Variants in DTNA observed in about 807,000 individuals in gnomAD.
DTNA encodes dystrophin-related protein 3.
In DTNA, 43 loss-of-function variants were observed where a neutral mutation model predicts 100.7. The observed-to-expected ratio is 0.43, with a 90% confidence interval of 0.33 to 0.55. The LOEUF (loss-of-function observed/expected upper bound fraction) is 0.55. Ranked by LOEUF, DTNA falls within the 20% of genes least tolerant of loss-of-function variation. The pLI is 0.04. For missense variants in DTNA, 798 were observed against 953.9 expected, an observed-to-expected ratio of 0.84 and a Z score of 2.15; for synonymous variants, 349 against 347.9, an observed-to-expected ratio of 1.00 and a Z score of -0.04.
At position 34,636,844 on chromosome 18, in the gene DTNA, G is replaced by A. The variant is rs185141567; in HGVS notation, c.-1-119132G>A. ...TGTGACTATGCCGTAAGAATATTCA[G>A]AATAAAATTCAGATAATAGGTGTTG... On this transcript the variant is annotated intron_variant, in intron 1 of 19. Transcript: ENST00000283365. 2.4e-3 allele frequency among the ~76,000 whole-genome samples: 362 copies of A among 152,238 alleles called. 2 individuals carry two copies. Among genetic ancestry groups the A allele is most frequent in the African/African-American group, 7.9e-3 (327 of 41,540 alleles).
At chr18:34,495,117 G>A (rs2039045051) in intron 1 of DTNA, among the ~76,000 whole-genome samples, 1 of 152,094 alleles carries the variant, frequency 6.6e-6, no homozygotes, top group African/African-American at 2.4e-5. Context: ...GAGTCTAGTT[G>A]GGCTTTTCAT....
chr18:34,744,192 T>C (rs1423892876), intron 1 of DTNA, among the ~76,000 whole-genome samples: 1 of 152,186 alleles, frequency 6.6e-6, no homozygotes, highest in African/African-American at 2.4e-5. Flanking sequence ...TACATCTCAA[T>C]GACACATAGT....
intron 1 of DTNA, among the ~76,000 whole-genome samples, chr18:34,740,424 G>T (rs1455142075): frequency 1.3e-5 from 2 of 152,122 alleles, no homozygotes; most frequent in African/African-American, 4.8e-5. Context: ...GTTCTTACCA[G>T]GTTGAGGGAC....
In DTNA at chr18:34,890,495, C is replaced by T. The variant is rs7227051; in HGVS notation, c.*2761C>T. On this transcript the variant is annotated 3_prime_UTR_variant, in exon 23 of 23. Transcript: ENST00000444659. The stretch of plus-strand genomic sequence containing the variant: ...GTCCATTAGATACAACTACATCTTG[C>T]GGGGGTTGTTTCTTTCTTGTTCCAC... The T allele has an allele frequency of 0.19, 297,794 of 1,532,422 alleles. 30,137 individuals are homozygous for T. The highest frequency in any genetic ancestry group is 0.24 in the Middle Eastern group (1,434 of 5,978). The allele number at this position is 1,532,422 out of a possible 1,614,324, so 94.9% of individuals were successfully genotyped here.
At chr18:34,837,878 T>C (rs2096185815) in intron 11 of DTNA, among the ~76,000 whole-genome samples, 1 of 152,220 alleles carries the variant, frequency 6.6e-6, no homozygotes, top group Admixed American at 6.5e-5. Context: ...AGGTCAAATC[T>C]GGGATCATGG....
chr18:34,536,326 G>T (rs546793438), intron 1 of DTNA, among the ~76,000 whole-genome samples: 8 of 151,892 alleles, frequency 5.3e-5, no homozygotes, highest in Admixed American at 2.0e-4. Context: ...TCCTAGAAGT[G>T]GAATTTATCT....
At chr18:34,776,986 C>G (rs935678887) in intron 3 of DTNA, among the ~76,000 whole-genome samples, 19 of 152,334 alleles carry the variant, frequency 1.2e-4, no homozygotes, top group African/African-American at 4.6e-4. Flanking sequence ...CGGACCTCCT[C>G]GTCTTTCTCA....
intron 1 of DTNA, among the ~76,000 whole-genome samples, chr18:34,725,987 G>A (rs374210779): frequency 1.3e-5 from 2 of 151,990 alleles, no homozygotes; most frequent in African/African-American, 2.4e-5. Flanking sequence ...TCTCAGCAAC[G>A]TAACAGAAGA....
intron 5 of DTNA, among the ~76,000 whole-genome samples, 172 bp from the exon 6 acceptor site, chr18:34,811,787 C>A (rs1390828863): frequency 2.0e-5 from 3 of 152,020 alleles, no homozygotes; most frequent in Non-Finnish European, 4.4e-5. Flanking sequence ...AAAAAGAAAC[C>A]AGAGAAAACA....
chr18:34,530,053 C>T (rs1223476748), intron 1 of DTNA, among the ~76,000 whole-genome samples: 3 of 152,092 alleles, frequency 2.0e-5, no homozygotes, highest in South Asian at 2.1e-4. Context: ...GCCAGAGCTG[C>T]GTAGTCCACT....
At chr18:34,814,520 GA>G (rs112962760) in intron 6 of DTNA, among the ~76,000 whole-genome samples, 17,038 of 141,212 alleles carry the variant, frequency 0.12, 967 homozygotes, top group African/African-American at 0.14. Context: ...TCTCATCTCT[GA>G]AAAAAAAAAA....
intron 3 of DTNA, among the ~76,000 whole-genome samples, chr18:34,774,833 A>G (rs556783571): frequency 6.6e-6 from 1 of 152,222 alleles, no homozygotes; most frequent in African/African-American, 2.4e-5. Context: ...ACAGGGTACC[A>G]AGACTCATCA....
At chr18:34,691,623 A>C (rs1007723473) in intron 1 of DTNA, among the ~76,000 whole-genome samples, 1 of 152,216 alleles carries the variant, frequency 6.6e-6, no homozygotes, top group African/African-American at 2.4e-5. Context: ...TAATACTGGT[A>C]CAATGGACCT....
chr18:34,648,782 C>T (rs2060130141), intron 1 of DTNA, among the ~76,000 whole-genome samples: 1 of 152,156 alleles, frequency 6.6e-6, no homozygotes, highest in Non-Finnish European at 1.5e-5. Context: ...ATTTCTGTTT[C>T]CCTTTGTCTT....
intron 1 of DTNA, among the ~76,000 whole-genome samples, chr18:34,681,731 C>CACACACACACACA (rs1491407771): frequency 4.5e-4 from 67 of 148,150 alleles, no homozygotes; most frequent in African/African-American, 1.6e-3. Context: ...CACACACACA[C>CACACACACACACA]CCCACACACA....
chr18:34,499,519 A>G (rs62097349), intron 1 of DTNA, among the ~76,000 whole-genome samples: 37,853 of 152,174 alleles, frequency 0.25, 4,893 homozygotes, highest in Non-Finnish European at 0.28. Context: ...CCCAGAAGTT[A>G]CACGTTTACT....
intron 1 of DTNA, among the ~76,000 whole-genome samples, chr18:34,694,832 A>G (rs1555706657): frequency 6.6e-6 from 1 of 152,186 alleles, no homozygotes; most frequent in Non-Finnish European, 1.5e-5. Flanking sequence ...CAGCACTAGT[A>G]CATTATAGAT....
intron 13 of DTNA, among the ~76,000 whole-genome samples, chr18:34,840,985 TATA>T (rs2096257235): frequency 6.6e-6 from 1 of 152,134 alleles, no homozygotes; most frequent in South Asian, 2.1e-4. Flanking sequence ...CAGTGAGACA[TATA>T]ATAATAGTAA....
At position 34,890,675 on chromosome 18, in the gene DTNA, G is replaced by A. The variant is rs944416262; in HGVS notation, c.*2941G>A. ...TTCAGGAAACAGTTGTGGTTGGTCA[G>A]GACGGAAGTTGGGGTAAGTTTGGTT... On this transcript the variant is annotated 3_prime_UTR_variant, in exon 23 of 23. Transcript: ENST00000444659. 1 of 691,360 alleles carries A rather than the reference G, an allele frequency of 1.4e-6. No homozygotes were observed. Among genetic ancestry groups the A allele is most frequent in the Admixed American group, 3.1e-5 (1 of 32,008 alleles). The allele number at this position is 691,360 out of a possible 1,614,324, so 42.8% of individuals were successfully genotyped here.
Sources: gnomAD v4.1 joint callset for allele counts (sites outside exome capture counted in the v4.1 genomes callset) on GRCh38, gnomAD v4.1.1 for gene constraint, MANE v1.5 for transcripts, NCBI Gene and HGNC (gene_info 2026-07-23, HGNC 2026-07-21) for gene names.